The following NRF1 variants were observed in gnomAD, a reference collection of about 807,000 sequenced individuals.
NRF1 encodes alpha palindromic-binding protein.
In NRF1, 5 loss-of-function variants were observed where a neutral mutation model predicts 58.5. That is an observed-to-expected ratio of 0.09 (90% CI 0.04 to 0.18). The LOEUF (loss-of-function observed/expected upper bound fraction) is 0.18. NRF1 is among the 10% of genes least tolerant of loss of function. NRF1 has a pLI of 1.00. For missense variants in NRF1, 288 were observed against 657.7 expected (o/e 0.44, Z 6.15); for synonymous variants, 224 against 246.7 (o/e 0.91, Z 0.86).
intron 5 of NRF1, among the ~76,000 whole-genome samples, chr7:129,695,587 A>AC (rs1307538874): frequency 6.6e-6 from 1 of 150,964 alleles, no homozygotes; most frequent in African/African-American, 2.4e-5. Context: ...AAAAAAAAAA[A>AC]ACAAAAAAAA....
chr7:129,724,713 T>C (rs977747740), intron 9 of NRF1, among the ~76,000 whole-genome samples: 13 of 152,196 alleles, frequency 8.5e-5, no homozygotes, highest in African/African-American at 1.4e-4. Flanking sequence ...AATGCTACGA[T>C]GTGGATGAAT....
chr7:129,657,568 G>A lies in NRF1; in HGVS notation c.217G>A (p.Ala73Thr). The change falls in exon 2 of 11, where the codon GCT becomes ACT. Residue 73 changes from alanine (A) to threonine (T), a missense_variant. Physicochemically the swap from Ala to Thr is moderately conservative, Grantham distance 58. Transcript: ENST00000393232. Reference sequence around the variant, plus strand: ...TGATGAGGTGACAGCTCATCTGGCAGCTGCAGGTAGTGTTGTTTGGATTAG... The same window carrying A: ...TGATGAGGTGACAGCTCATCTGGCAACTGCAGGTAGTGTTGTTTGGATTAG... Reference protein sequence around the residue: ...AADEVTAHLAAAGPVGMAAAA... With the variant: ...AADEVTAHLATAGPVGMAAAA... The A allele has an allele frequency of 1.2e-6, 2 of 1,606,644 alleles. No homozygotes were observed. The highest frequency in any genetic ancestry group is 8.5e-7 in the Non-Finnish European group (1 of 1,173,928).
At chr7:129,646,965 C>T (rs977150763) in intron 1 of NRF1, among the ~76,000 whole-genome samples, 4 of 152,176 alleles carry the variant, frequency 2.6e-5, no homozygotes, top group Non-Finnish European at 2.9e-5. Flanking sequence ...TATCAAAGAG[C>T]ACATTATGAT....
At chr7:129,655,977 T>G (rs1197966372) in intron 1 of NRF1, among the ~76,000 whole-genome samples, 1 of 152,240 alleles carries the variant, frequency 6.6e-6, no homozygotes, top group Non-Finnish European at 1.5e-5. Flanking sequence ...GGTATGTGTA[T>G]ACCACATTTT....
In NRF1 at chr7:129,720,239, A is replaced by G. The variant is rs3800600; in HGVS notation, c.1223+2863A>G. Among the ~76,000 whole-genome samples the G allele has an allele frequency of 1.2e-4, 18 of 152,364 alleles. No homozygotes were observed. In the East Asian group the frequency reaches 2.7e-3, roughly 23 times the overall value. The stretch of plus-strand genomic sequence containing the variant: ...GGATGAAGAAACCAAGCCTGGCAGC[A>G]GAGACTAGACTATAGCAGACTATTA... On this transcript the variant is annotated intron_variant, in intron 9 of 10. Transcript: ENST00000393232.
At chr7:129,723,302 G>A (rs1336515461) in intron 9 of NRF1, among the ~76,000 whole-genome samples, 2 of 152,064 alleles carry the variant, frequency 1.3e-5, no homozygotes, top group Non-Finnish European at 2.9e-5. Context: ...AATTAGCCGG[G>A]CATGGTGGCG....
At chr7:129,733,517 T>C (rs1397010614) in intron 10 of NRF1, among the ~76,000 whole-genome samples, 1 of 151,956 alleles carries the variant, frequency 6.6e-6, no homozygotes, top group Non-Finnish European at 1.5e-5. Flanking sequence ...TTTTTTATGC[T>C]AACAAGCCTT....
intron 1 of NRF1, among the ~76,000 whole-genome samples, chr7:129,612,238 C>T (rs1373959406): frequency 1.3e-5 from 2 of 150,764 alleles, no homozygotes; most frequent in Non-Finnish European, 3.0e-5. Flanking sequence ...GGGCGGGCTG[C>T]GCGGGACCGG....
chr7:129,754,971 G>C, intron 10 of NRF1, 47 bp from the exon 11 acceptor site: 1 of 1,494,412 alleles, frequency 6.7e-7, no homozygotes, highest in South Asian at 1.4e-5. Flanking sequence ...CAGCATCTGG[G>C]AACTTGAGCC....
At chr7:129,651,059 T>G (rs1204537617) in intron 1 of NRF1, among the ~76,000 whole-genome samples, 2 of 152,238 alleles carry the variant, frequency 1.3e-5, no homozygotes, top group Non-Finnish European at 2.9e-5. Context: ...CATTCATAAG[T>G]ATCCCACTCT....
At chr7:129,674,316 A>C (rs1223903212) in intron 3 of NRF1, among the ~76,000 whole-genome samples, 1 of 152,178 alleles carries the variant, frequency 6.6e-6, no homozygotes, top group Non-Finnish European at 1.5e-5. Flanking sequence ...GTATCACAAT[A>C]AGTCACAGAA....
At chr7:129,729,235 A>G (rs56232714) in intron 10 of NRF1, among the ~76,000 whole-genome samples, 125,978 of 151,714 alleles carry the variant, frequency 0.83, 53,356 homozygotes, top group East Asian at 0.93. Flanking sequence ...TGAATTTATA[A>G]TAAGTCCAAG....
intron 10 of NRF1, chr7:129,744,130 CTTT>C (rs35034726): frequency 5.4e-3 from 6,481 of 1,194,198 alleles, no homozygotes; most frequent in South Asian, 7.4e-3. Flanking sequence ...TTGCCCGGTG[CTTT>C]TTTTTTTTTT....
chr7:129,675,393 C>G (rs574693211), intron 3 of NRF1, among the ~76,000 whole-genome samples: 4 of 152,212 alleles, frequency 2.6e-5, no homozygotes, highest in Non-Finnish European at 5.9e-5. Context: ...TACAAGTACT[C>G]TTAATGGCAT....
chr7:129,680,889 A>G lies in NRF1; in HGVS notation c.465+3131A>G, dbSNP rs571602270. 7.2e-5 allele frequency among the ~76,000 whole-genome samples: 11 copies of G among 152,366 alleles called. No individual in the cohort carries two copies. In the East Asian group the frequency reaches 1.9e-3, roughly 27 times the overall value. On this transcript the variant is annotated intron_variant, in intron 4 of 10. Transcript: ENST00000393232. ...ATTTTGGTGGTAATTTTAGGACCCT[A>G]TGAGTATAAAGTCTTACCCTTTAAA...
intron 4 of NRF1, among the ~76,000 whole-genome samples, chr7:129,681,766 ACCTTTATATTCTTCAAGTAACTTT>A: frequency 3.9e-5 from 6 of 151,994 alleles, no homozygotes; most frequent in African/African-American, 1.5e-4. Flanking sequence ...TTTATCATGA[ACCTTTATATTCTTCAAGTAACTTT>A]AAAGCAAAAC....
At chr7:129,630,859 TC>T (rs1324864882) in intron 1 of NRF1, among the ~76,000 whole-genome samples, 4 of 152,214 alleles carry the variant, frequency 2.6e-5, no homozygotes, top group African/African-American at 9.7e-5. Flanking sequence ...AAAAGATTGA[TC>T]AGTTCAAATA....
At chr7:129,656,305 A>T (rs555225529) in intron 1 of NRF1, among the ~76,000 whole-genome samples, 1 of 152,272 alleles carries the variant, frequency 6.6e-6, no homozygotes, top group African/African-American at 2.4e-5. Context: ...GATATGGTAG[A>T]TCTGTTATGT....
chr7:129,659,499 C>G (rs1315565785), intron 2 of NRF1, among the ~76,000 whole-genome samples: 1 of 152,152 alleles, frequency 6.6e-6, no homozygotes, highest in Admixed American at 6.6e-5. Flanking sequence ...CATGGATCTG[C>G]TAGTAACAAG....
Sources: allele counts gnomAD v4.1 joint callset (sites outside exome capture counted in the v4.1 genomes callset), GRCh38; gene constraint gnomAD v4.1.1; transcripts MANE v1.5; gene names NCBI Gene and HGNC (gene_info 2026-07-23, HGNC 2026-07-21).